The following SCFD2 variants were observed in gnomAD, a reference collection of about 807,000 sequenced individuals.
The protein encoded by SCFD2 is sec1 family domain containing 2.
In SCFD2, 54 loss-of-function variants were observed where a neutral mutation model predicts 58.9. The ratio of observed to expected loss-of-function variants is 0.92; its 90% confidence interval spans 0.74 to 1.15. The LOEUF (loss-of-function observed/expected upper bound fraction) is 1.15. Among genes scored for constraint, SCFD2 ranks in the 50% most tolerant of loss-of-function variants. The pLI is 0.00. For synonymous variants in SCFD2, 321 were observed against 335.9 expected (o/e 0.96, Z 0.49); for missense variants, 805 against 836.6 (o/e 0.96, Z 0.47).
chr4:53,219,721 T>C (rs951026285), intron 4 of SCFD2, among the ~76,000 whole-genome samples: 4 of 152,166 alleles, frequency 2.6e-5, no homozygotes, highest in Non-Finnish European at 4.4e-5. Context: ...CTGTCTTCTG[T>C]GTCACTCACA....
chr4:53,263,508 C>G (rs908110403), intron 4 of SCFD2, among the ~76,000 whole-genome samples: 2 of 152,190 alleles, frequency 1.3e-5, no homozygotes, highest in African/African-American at 4.8e-5. Context: ...CTACAGTGAT[C>G]ATTTTTGCTC....
intron 5 of SCFD2, among the ~76,000 whole-genome samples, chr4:53,017,796 T>C (rs1722250113): frequency 6.6e-6 from 1 of 152,164 alleles, no homozygotes; most frequent in Admixed American, 6.5e-5. Context: ...TCCACCCTCC[T>C]GGGTATTGTT....
chr4:53,056,182 T>G (rs1229826528), intron 5 of SCFD2, among the ~76,000 whole-genome samples: 4 of 151,812 alleles, frequency 2.6e-5, no homozygotes, highest in Non-Finnish European at 5.9e-5. Flanking sequence ...TTTTTTACAT[T>G]GACAGGCCTA....
chr4:53,246,564 T>C (rs1450394686), intron 4 of SCFD2, among the ~76,000 whole-genome samples: 1 of 152,120 alleles, frequency 6.6e-6, no homozygotes, highest in African/African-American at 2.4e-5. Context: ...CCATCTAATC[T>C]TTGACAAAGC....
intron 2 of SCFD2, among the ~76,000 whole-genome samples, chr4:53,324,420 C>CAAA (rs34865805): frequency 0.072 from 6,782 of 93,622 alleles, 390 homozygotes; most frequent in South Asian, 0.19. Context: ...CCTGTCTCTC[C>CAAA]AAAAAAAAAA....
intron 3 of SCFD2, among the ~76,000 whole-genome samples, chr4:53,299,091 C>T (rs970405793): frequency 2.0e-5 from 3 of 152,084 alleles, no homozygotes; most frequent in Admixed American, 6.6e-5. Flanking sequence ...CAAAGCTGGA[C>T]GGAGAATGAC....
intron 5 of SCFD2, among the ~76,000 whole-genome samples, chr4:52,971,398 C>T (rs1007165182): frequency 3.3e-5 from 5 of 152,046 alleles, no homozygotes; most frequent in Non-Finnish European, 7.3e-5. Flanking sequence ...ATTCGATCAA[C>T]TGGAAGAAAG....
intron 2 of SCFD2, among the ~76,000 whole-genome samples, chr4:53,328,138 A>AG (rs1733272610): frequency 2.7e-5 from 2 of 75,432 alleles, no homozygotes; most frequent in Admixed American, 3.6e-4. Context: ...CTGTCTCAAA[A>AG]AAAAACAAAA....
At chr4:53,266,422 G>A (rs537004272) in intron 4 of SCFD2, among the ~76,000 whole-genome samples, 1 of 151,968 alleles carries the variant, frequency 6.6e-6, no homozygotes, top group Admixed American at 6.5e-5. Context: ...TATGTATTAT[G>A]TGTATTAATA....
At chr4:53,140,345 C>A in intron 5 of SCFD2, among the ~76,000 whole-genome samples, 2 of 115,260 alleles carry the variant, frequency 1.7e-5, no homozygotes, top group African/African-American at 3.3e-5. Flanking sequence ...GTGATTGAGT[C>A]CAAAGAAAAA....
chr4:53,203,785 A>C (rs1728324074), intron 4 of SCFD2, among the ~76,000 whole-genome samples: 1 of 152,104 alleles, frequency 6.6e-6, no homozygotes, highest in African/African-American at 2.4e-5. Context: ...AATTGGGTAA[A>C]TTAATAACAC....
chr4:52,908,700 T>A (rs1719409185), intron 6 of SCFD2, among the ~76,000 whole-genome samples: 2 of 152,210 alleles, frequency 1.3e-5, no homozygotes, highest in South Asian at 4.1e-4. Context: ...CTTTCCAATT[T>A]TCTTGTTTTA....
At chr4:53,165,892 T>A (rs1726992151) in intron 4 of SCFD2, among the ~76,000 whole-genome samples, 1 of 152,224 alleles carries the variant, frequency 6.6e-6, no homozygotes, top group Admixed American at 6.5e-5. Flanking sequence ...CCATCTCTTC[T>A]CAGATGTAGT....
At chr4:53,075,711 A>T (rs1723952284) in intron 5 of SCFD2, among the ~76,000 whole-genome samples, 1 of 152,148 alleles carries the variant, frequency 6.6e-6, no homozygotes, top group Admixed American at 6.5e-5. Context: ...CAGAACACAC[A>T]CATTTATTGA....
chr4:53,079,154 G>A (rs1241576496), intron 5 of SCFD2, among the ~76,000 whole-genome samples: 1 of 152,104 alleles, frequency 6.6e-6, no homozygotes, highest in Non-Finnish European at 1.5e-5. Flanking sequence ...GAGGTTGGAA[G>A]GGGAGGGGAG....
At chr4:52,964,626 A>C (rs188051880) in intron 5 of SCFD2, among the ~76,000 whole-genome samples, 1 of 152,276 alleles carries the variant, frequency 6.6e-6, no homozygotes, top group Admixed American at 6.5e-5. Flanking sequence ...TCAAGACAAT[A>C]TAGTCAACTA....
chr4:53,317,683 G>A (rs1732906721), intron 2 of SCFD2, among the ~76,000 whole-genome samples: 1 of 152,150 alleles, frequency 6.6e-6, no homozygotes, highest in Admixed American at 6.5e-5. Context: ...ATTATTACTA[G>A]GCAAGACTGC....
At chr4:53,149,437 A>G (rs944163551) in intron 4 of SCFD2, among the ~76,000 whole-genome samples, 9 of 152,228 alleles carry the variant, frequency 5.9e-5, no homozygotes, top group African/African-American at 2.2e-4. Flanking sequence ...TATACAATAA[A>G]TATATGTCAG....
chr4:53,169,113 C>T (rs145173263), intron 4 of SCFD2, among the ~76,000 whole-genome samples: 385 of 152,330 alleles, frequency 2.5e-3, no homozygotes, highest in African/African-American at 8.9e-3. Flanking sequence ...TGGTGGCTCA[C>T]GCCTGTAATC....
Sources: allele counts gnomAD v4.1 joint callset (sites outside exome capture counted in the v4.1 genomes callset), GRCh38; gene constraint gnomAD v4.1.1; transcripts MANE v1.5; gene names NCBI Gene and HGNC (gene_info 2026-07-23, HGNC 2026-07-21).